Variants in EPHA6 observed in about 807,000 individuals in gnomAD.
EPHA6 encodes the protein ephrin type-A receptor 6.
EPHA6 carries 50 observed loss-of-function variants against 112.0 expected under a neutral mutation model. The ratio of observed to expected loss-of-function variants is 0.45; its 90% CI spans 0.36 to 0.56. EPHA6 has a LOEUF of 0.56. EPHA6 is among the 20% of genes least tolerant of loss of function. The probability of loss-of-function intolerance (pLI) is 0.00; values close to 1 mark genes in which losing one functional copy is unlikely to be tolerated. For synonymous variants in EPHA6, 529 were observed against 490.7 expected (o/e 1.08, Z -1.03); for missense variants, 1,280 against 1,417.4 (o/e 0.90, Z 1.56).
Position 97,755,389 on chromosome 3 carries a change from G to T in EPHA6, c.*6688G>T, listed in dbSNP as rs2036002050. On this transcript the variant is annotated 3_prime_UTR_variant, in exon 18 of 18. Transcript: ENST00000389672. ...TACTTGTATTTTCTGCATTATTTGT[G>T]ACCTCTGGCCATTTTTAATTTGTCA... Among the ~76,000 whole-genome samples, 1 of 152,074 alleles carries T rather than the reference G, an allele frequency of 6.6e-6. No individual in the cohort carries two copies. The highest frequency in any genetic ancestry group is 2.1e-4 in the South Asian group (1 of 4,824).
chr3:96,815,327 G>A (rs563479508), intron 1 of EPHA6, among the ~76,000 whole-genome samples: 7 of 152,254 alleles, frequency 4.6e-5, no homozygotes, highest in African/African-American at 1.4e-4. Flanking sequence ...AGGCTCCGTG[G>A]CACAGACTTA....
intron 2 of EPHA6, among the ~76,000 whole-genome samples, chr3:96,874,309 G>C (rs1401274216): frequency 2.6e-5 from 4 of 152,004 alleles, no homozygotes; most frequent in Admixed American, 6.6e-5. Context: ...AAAAGCCTAG[G>C]AATATCTGGT....
intron 3 of EPHA6, among the ~76,000 whole-genome samples, chr3:97,037,129 A>G (rs142992712): frequency 1.0e-3 from 155 of 152,254 alleles, no homozygotes; most frequent in African/African-American, 3.5e-3. Context: ...CAAATTTATT[A>G]AAGCACTTAC....
chr3:97,386,833 A>C (rs901638580), intron 5 of EPHA6, among the ~76,000 whole-genome samples: 1 of 152,186 alleles, frequency 6.6e-6, no homozygotes, highest in Non-Finnish European at 1.5e-5. Context: ...CTGGACATCC[A>C]GGTGTTTCCA....
At chr3:97,488,177 A>G (rs2091746925) in intron 10 of EPHA6, among the ~76,000 whole-genome samples, 1 of 152,186 alleles carries the variant, frequency 6.6e-6, no homozygotes, top group Admixed American at 6.5e-5. Context: ...ATGGAAATAC[A>G]TAATATCTTC....
intron 3 of EPHA6, among the ~76,000 whole-genome samples, chr3:97,021,992 C>T (rs893691283): frequency 7.2e-5 from 11 of 152,114 alleles, no homozygotes; most frequent in African/African-American, 2.7e-4. Flanking sequence ...ACATGTCTGA[C>T]CCTGTTCACT....
At chr3:96,888,880 T>A (rs958648636) in intron 2 of EPHA6, among the ~76,000 whole-genome samples, 14 of 152,302 alleles carry the variant, frequency 9.2e-5, no homozygotes, top group African/African-American at 3.4e-4. Context: ...ATTGTCAGGC[T>A]AAAAATTTTT....
chr3:96,927,770 C>T (rs1344334983), intron 2 of EPHA6, among the ~76,000 whole-genome samples: 1 of 152,154 alleles, frequency 6.6e-6, no homozygotes, highest in Non-Finnish European at 1.5e-5. Context: ...TCCACATTTT[C>T]AGGTTGTCTT....
chr3:96,850,872 G>A (rs1210092436), intron 1 of EPHA6, among the ~76,000 whole-genome samples: 1 of 151,882 alleles, frequency 6.6e-6, no homozygotes, highest in Non-Finnish European at 1.5e-5. Flanking sequence ...GTAAGTAAAA[G>A]TGGCAGAAAA....
At chr3:97,348,213 C>T (rs1174183020) in intron 5 of EPHA6, among the ~76,000 whole-genome samples, 1 of 152,028 alleles carries the variant, frequency 6.6e-6, no homozygotes, top group Non-Finnish European at 1.5e-5. Context: ...AAAATTCTAC[C>T]TTTATTCTTG....
At chr3:97,422,906 A>G (rs1322549561) in intron 6 of EPHA6, among the ~76,000 whole-genome samples, 4 of 152,216 alleles carry the variant, frequency 2.6e-5, no homozygotes, top group African/African-American at 7.2e-5. Context: ...CAAAAACCAC[A>G]TGATCATCTC....
chr3:97,450,329 T>A (rs1190066035), intron 7 of EPHA6, among the ~76,000 whole-genome samples: 2 of 152,098 alleles, frequency 1.3e-5, no homozygotes, highest in Non-Finnish European at 2.9e-5. Context: ...ATTATTGTCT[T>A]TTTTAGGCTG....
intron 7 of EPHA6, among the ~76,000 whole-genome samples, chr3:97,465,524 A>G (rs145668934): frequency 1.1e-4 from 17 of 152,150 alleles, no homozygotes; most frequent in African/African-American, 3.9e-4. Context: ...GAATCTCTCC[A>G]GAATTAATCC....
At chr3:97,100,355 C>G (rs1203920022) in intron 3 of EPHA6, among the ~76,000 whole-genome samples, 2 of 151,370 alleles carry the variant, frequency 1.3e-5, no homozygotes, top group Non-Finnish European at 3.0e-5. Context: ...ATATTTCTTT[C>G]TGATTATCAG....
intron 10 of EPHA6, among the ~76,000 whole-genome samples, chr3:97,496,007 C>T (rs1472206567): frequency 2.0e-5 from 3 of 152,138 alleles, no homozygotes; most frequent in Non-Finnish European, 4.4e-5. Context: ...TTATTCAGAA[C>T]TAAATCAAAA....
chr3:97,733,564 T>C (rs913231470), intron 15 of EPHA6, among the ~76,000 whole-genome samples: 1 of 152,078 alleles, frequency 6.6e-6, no homozygotes, highest in Admixed American at 6.6e-5. Context: ...TTTATTAATG[T>C]GTCAGGCAAT....
chr3:97,575,381 T>C (rs2093372521), intron 11 of EPHA6, among the ~76,000 whole-genome samples: 1 of 152,092 alleles, frequency 6.6e-6, no homozygotes, highest in Non-Finnish European at 1.5e-5. Context: ...TCATGAGAGG[T>C]CTCCAAAACA....
At chr3:97,113,164 C>A (rs1465082178) in intron 3 of EPHA6, among the ~76,000 whole-genome samples, 2 of 152,072 alleles carry the variant, frequency 1.3e-5, no homozygotes, top group African/African-American at 2.4e-5. Flanking sequence ...TGAGTTATTA[C>A]ATTCTGAAAA....
chr3:97,342,740 G>C (rs2083371981), intron 5 of EPHA6, among the ~76,000 whole-genome samples: 1 of 151,984 alleles, frequency 6.6e-6, no homozygotes, highest in Non-Finnish European at 1.5e-5. Context: ...TTTGTCCTAT[G>C]CCATGGAAAG....
Sources: gnomAD v4.1 joint callset for allele counts (sites outside exome capture counted in the v4.1 genomes callset) on GRCh38, gnomAD v4.1.1 for gene constraint, MANE v1.5 for transcripts, NCBI Gene and HGNC (gene_info 2026-07-23, HGNC 2026-07-21) for gene names.